TRPC6: variants seen among roughly 807,000 people sequenced by gnomAD.
The protein encoded by TRPC6 is transient receptor potential cation channel subfamily C member 6.
A neutral mutation model predicts 90.7 loss-of-function variants in TRPC6; 55 were observed. The observed-to-expected ratio is 0.61, with a 90% CI of 0.49 to 0.76. TRPC6 has a LOEUF of 0.76. Among genes scored for constraint, TRPC6 ranks in the 30% least tolerant of loss-of-function variants. The pLI, the probability that TRPC6 is intolerant of heterozygous loss-of-function variation, is 0.00. For missense variants in TRPC6, 989 were observed against 1,122.7 expected, an observed-to-expected ratio of 0.88 and a Z score of 1.70; for synonymous variants, 393 against 393.0, an observed-to-expected ratio of 1.00 and a Z score of 0.00.
chr11:101,575,015 C>T (rs560833457), intron 1 of TRPC6, among the ~76,000 whole-genome samples: 10 of 152,256 alleles, frequency 6.6e-5, no homozygotes, highest in Admixed American at 2.0e-4. Context: ...TTTGAATAGG[C>T]AGTCAATCTT....
At chr11:101,502,836 G>C (rs1591092714) in intron 2 of TRPC6, among the ~76,000 whole-genome samples, 2 of 152,236 alleles carry the variant, frequency 1.3e-5, no homozygotes, top group East Asian at 3.9e-4. Flanking sequence ...TGGACCTGAG[G>C]ATAGATAGAC....
intron 5 of TRPC6, among the ~76,000 whole-genome samples, chr11:101,478,678 C>T (rs1859472538): frequency 1.3e-5 from 2 of 152,126 alleles, no homozygotes; most frequent in African/African-American, 4.8e-5. Flanking sequence ...TCCAAGCTTG[C>T]CCCAGGCAGG....
chr11:101,506,015 GAAA>G (rs34504825), intron 1 of TRPC6, among the ~76,000 whole-genome samples: 4 of 98,448 alleles, frequency 4.1e-5, no homozygotes, highest in Admixed American at 1.2e-4. Flanking sequence ...CTATATCAAA[GAAA>G]AAAAAAAAAA....
Position 101,504,425 on chromosome 11 carries a change from T to C in TRPC6, c.544A>G (p.Ser182Gly), listed in dbSNP as rs201410126. 6.2e-7 allele frequency: 1 copy of C among 1,614,114 alleles called. No homozygotes were observed. The highest frequency in any genetic ancestry group is 8.5e-7 in the Non-Finnish European group (1 of 1,179,998). Residue 182 changes from serine (S) to glycine (G), a missense_variant, in exon 2 of 13, where the codon AGT (serine) becomes GGT (glycine). Ser to Gly is a moderately conservative substitution (Grantham distance 56, BLOSUM62 0). Around this residue, in one of 4 missense-constraint regions of TRPC6, gnomAD observed 486 missense variants for 591.9 expected, o/e 0.82. Coordinates refer to ENST00000344327, the MANE Select transcript of TRPC6 (RefSeq NM_004621.6). ...TTGCCTTCAGCAAAAGCCGGATGAC[T>C]GAGAATTGCTTCCACAATCCGAACA... is the stretch of plus-strand genomic sequence containing the variant. ...GYVRIVEAILSHPAFAEGKRL... is the reference protein window; with the variant it reads ...GYVRIVEAILGHPAFAEGKRL...
chr11:101,561,711 A>G (rs1292724018), intron 1 of TRPC6, among the ~76,000 whole-genome samples: 3 of 152,042 alleles, frequency 2.0e-5, no homozygotes, highest in Admixed American at 2.0e-4. Context: ...GGCTAAACTT[A>G]AACACCCTAA....
At chr11:101,458,416 G>C (rs2136644623) in intron 10 of TRPC6, among the ~76,000 whole-genome samples, 1 of 152,262 alleles carries the variant, frequency 6.6e-6, no homozygotes, top group Admixed American at 6.5e-5. Context: ...GCCCTAAGAC[G>C]ACAACTGGAA....
intron 1 of TRPC6, among the ~76,000 whole-genome samples, chr11:101,548,280 A>ATATGTATAATT (rs1861360257): frequency 2.2e-5 from 3 of 135,514 alleles, no homozygotes; most frequent in Non-Finnish European, 4.8e-5. Flanking sequence ...TATAATTTAT[A>ATATGTATAATT]TATATAATTA....
intron 2 of TRPC6, among the ~76,000 whole-genome samples, chr11:101,497,055 C>T (rs1166685984): frequency 2.0e-5 from 3 of 152,128 alleles, no homozygotes; most frequent in Admixed American, 1.3e-4. Flanking sequence ...TTTTGCTAAC[C>T]GATGTAAAGA....
rs561483708 is a variant in TRPC6 at position 101,574,046 on chromosome 11, A to C, written c.170+9288T>G. Among the ~76,000 whole-genome samples the C allele has an allele frequency of 1.3e-4, 20 of 150,634 alleles. 1 individual carries two copies. The highest frequency in any genetic ancestry group is 4.9e-4 in the African/African-American group (20 of 40,456). ...AGCAACATTCTGGAACTGTTACTCA[A>C]AACAGTCTACCTCTATGTAATTGCA... On this transcript the variant is annotated intron_variant, in intron 1 of 12. Transcript: ENST00000344327.
At chr11:101,552,677 A>C (rs1259129652) in intron 1 of TRPC6, among the ~76,000 whole-genome samples, 1 of 152,136 alleles carries the variant, frequency 6.6e-6, no homozygotes, top group Non-Finnish European at 1.5e-5. Flanking sequence ...TCCATTAAAA[A>C]AAATTCTCCA....
intron 11 of TRPC6, among the ~76,000 whole-genome samples, chr11:101,454,097 T>G (rs574200944): frequency 6.6e-6 from 1 of 152,184 alleles, no homozygotes; most frequent in Non-Finnish European, 1.5e-5. Context: ...AGCTAATGTC[T>G]GCTCATTTAA....
chr11:101,557,882 G>A (rs1436123852), intron 1 of TRPC6, among the ~76,000 whole-genome samples: 1 of 151,918 alleles, frequency 6.6e-6, no homozygotes, highest in Non-Finnish European at 1.5e-5. Context: ...CAAATAAATG[G>A]AAAGATATTC....
At chr11:101,574,428 C>T (rs1391936693) in intron 1 of TRPC6, among the ~76,000 whole-genome samples, 1 of 151,184 alleles carries the variant, frequency 6.6e-6, no homozygotes, top group Non-Finnish European at 1.5e-5. Context: ...CTTAAAGATA[C>T]ATAAAATGTC....
intron 1 of TRPC6, among the ~76,000 whole-genome samples, chr11:101,522,004 G>T (rs1187515756): frequency 6.6e-6 from 1 of 152,188 alleles, no homozygotes; most frequent in African/African-American, 2.4e-5. Context: ...TATCTCAGAT[G>T]AGACTTTGAA....
rs111356441 is a variant in TRPC6 at position 101,516,891 on chromosome 11, G to A, written c.171-12093C>T. On this transcript the variant is annotated intron_variant, in intron 1 of 12. Transcript: ENST00000344327. Reference sequence around the variant, plus strand: ...AGAACACATTACCTCAGAGGCGAGAGAGGGCTCACCCTCACTGAACTCTTC... The same window carrying A: ...AGAACACATTACCTCAGAGGCGAGAAAGGGCTCACCCTCACTGAACTCTTC... Among the ~76,000 whole-genome samples, 320 of 152,348 alleles carry A rather than the reference G, an allele frequency of 2.1e-3. 3 individuals are homozygous for A. Among genetic ancestry groups the A allele is most frequent in the African/African-American group, 7.2e-3 (301 of 41,572 alleles).
At position 101,566,504 on chromosome 11, in the gene TRPC6, G is replaced by C. The variant is rs149142754; in HGVS notation, c.170+16830C>G. Among the ~76,000 whole-genome samples the C allele has an allele frequency of 6.8e-3, 1,042 of 152,232 alleles. 7 individuals are homozygous for C. Among genetic ancestry groups the C allele is most frequent in the Non-Finnish European group, 0.012 (805 of 68,010 alleles). On this transcript the variant is annotated intron_variant, in intron 1 of 12. Transcript: ENST00000344327. ...AAATGTTTATTTACATATCTTGTTT[G>C]TAGGATTGTTAAAAAATATTTAACA...
chr11:101,504,369 T>A lies in TRPC6; in HGVS notation c.600A>T (p.Glu200Asp), dbSNP rs145358649. The A allele has an allele frequency of 1.1e-5, 17 of 1,613,784 alleles. No individual in the cohort carries two copies. The African/African-American group carries it at 2.1e-4, about 20-fold the overall frequency. ...AGGCATAAAAATCATCTTGCTGGAGTTCAGACTGGCTAGGGCTGGTTGCTA... is the reference window on the plus strand; with the variant it reads ...AGGCATAAAAATCATCTTGCTGGAGATCAGACTGGCTAGGGCTGGTTGCTA... ...KRLATSPSQS[E>D]LQQDDFYAYD... is the part of the protein sequence containing the mutation. Residue 200 changes from glutamate (E) to aspartate (D), a missense_variant, in exon 2 of 13, where the codon GAA (glutamate) becomes GAT (aspartate). This residue lies in a region of TRPC6 where 486 missense variants were observed against 591.9 expected (regional missense o/e 0.82). Transcript: ENST00000344327.
intron 4 of TRPC6, 75 bp from the exon 5 acceptor site, chr11:101,483,240 A>G: frequency 7.1e-7 from 1 of 1,410,796 alleles, no homozygotes; most frequent in Non-Finnish European, 1.0e-6. Flanking sequence ...CATACATGCA[A>G]GAATAAACAT....
chr11:101,542,464 G>A (rs2086251668), intron 1 of TRPC6, among the ~76,000 whole-genome samples: 1 of 152,174 alleles, frequency 6.6e-6, no homozygotes. Flanking sequence ...TCAGCTAGCT[G>A]ATAGTCACTA....
Sources: allele counts gnomAD v4.1 joint callset (sites outside exome capture counted in the v4.1 genomes callset), GRCh38; gene constraint gnomAD v4.1.1; regional missense constraint gnomAD v4.1.1; transcripts MANE v1.5; gene names NCBI Gene and HGNC (gene_info 2026-07-23, HGNC 2026-07-21).